SDK1: variants seen among roughly 807,000 people sequenced by gnomAD.
The protein encoded by SDK1 is sidekick cell adhesion molecule 1.
Under a neutral mutation model 245.5 loss-of-function variants are expected in SDK1, and 157 were observed. The observed-to-expected ratio is 0.64, with a 90% CI of 0.56 to 0.73. The LOEUF (loss-of-function observed/expected upper bound fraction) is 0.73. SDK1 is among the 30% of genes least tolerant of loss of function. The pLI, the probability that SDK1 is intolerant of heterozygous loss-of-function variation, is 0.00. For synonymous variants in SDK1, 1,647 were observed against 1,278.5 expected, an observed-to-expected ratio of 1.29 and a Z score of -6.15; for missense variants, 3,583 against 3,002.3, an observed-to-expected ratio of 1.19 and a Z score of -4.52.
At chr7:3,567,351 C>T (rs1462749939) in intron 1 of SDK1, among the ~76,000 whole-genome samples, 1 of 152,254 alleles carries the variant, frequency 6.6e-6, no homozygotes, top group African/African-American at 2.4e-5. Flanking sequence ...GAGTAAATGC[C>T]TAGTCAGTAG....
chr7:3,622,616 A>G (rs1016909231), intron 2 of SDK1, among the ~76,000 whole-genome samples: 6 of 152,236 alleles, frequency 3.9e-5, no homozygotes, highest in African/African-American at 1.2e-4. Context: ...AAGAGGTGGA[A>G]CACTCTTTGT....
chr7:3,648,804 G>C (rs1782924171), intron 4 of SDK1, among the ~76,000 whole-genome samples: 1 of 152,196 alleles, frequency 6.6e-6, no homozygotes, highest in Admixed American at 6.5e-5. Flanking sequence ...AAGTAAAACA[G>C]ACGAGTAGAT....
Position 3,603,158 on chromosome 7 carries a change from G to C in SDK1, c.299-15922G>C, listed in dbSNP as rs76566332. Among the ~76,000 whole-genome samples, 510 of 137,390 alleles carry C rather than the reference G, an allele frequency of 3.7e-3. 8 individuals carry two copies. The highest frequency in any genetic ancestry group is 5.8e-3 in the Non-Finnish European group (366 of 63,112). 90.1% of individuals were successfully genotyped at this position (137,390 alleles called of 152,430 possible). ...TCTTTTGGCTTAGGATTGACTTGGC[G>C]ATGCGGGCTCTTTTTTGGTTCCAGA... On this transcript the variant is annotated intron_variant, in intron 1 of 44. Coordinates refer to ENST00000404826, the MANE Select transcript of SDK1 (RefSeq NM_152744.4).
chr7:3,767,947 A>G (rs1356835213), intron 4 of SDK1, among the ~76,000 whole-genome samples: 2 of 152,222 alleles, frequency 1.3e-5, no homozygotes, highest in African/African-American at 4.8e-5. Flanking sequence ...TAAGCCATTT[A>G]CTTTACCATC....
chr7:3,375,034 C>T (rs1340041807), intron 1 of SDK1, among the ~76,000 whole-genome samples: 2 of 152,136 alleles, frequency 1.3e-5, no homozygotes, highest in Non-Finnish European at 2.9e-5. Context: ...AATTAATGTG[C>T]AGTGATTTTA....
chr7:3,612,171 C>G (rs1157913259), intron 1 of SDK1, among the ~76,000 whole-genome samples: 1 of 152,134 alleles, frequency 6.6e-6, no homozygotes, highest in Non-Finnish European at 1.5e-5. Context: ...GTACCAAAAT[C>G]TCACAAATCA....
Position 3,692,186 on chromosome 7 carries a change from G to A in SDK1, c.713+50081G>A, listed in dbSNP as rs533427022. Among the ~76,000 whole-genome samples the A allele has an allele frequency of 2.0e-5, 3 of 152,096 alleles. No individual in the cohort carries two copies. In the East Asian group the frequency reaches 5.8e-4, roughly 29 times the overall value. On this transcript the variant is annotated intron_variant, in intron 4 of 44. Coordinates refer to ENST00000404826, the MANE Select transcript of SDK1 (RefSeq NM_152744.4). ...GTTCAGAGACCCAACATAATTTCAA[G>A]TTTCCATTTTTTCTTAAAAAATTCT...
intron 1 of SDK1, among the ~76,000 whole-genome samples, chr7:3,306,358 G>T (rs1779417426): frequency 6.6e-6 from 1 of 152,086 alleles, no homozygotes; most frequent in African/African-American, 2.4e-5. Context: ...ATGAATTCCA[G>T]CTTCATGATG....
chr7:3,311,993 C>T lies in SDK1; in HGVS notation c.298+10109C>T, dbSNP rs1299864409. ...GGAAGGTGGAGTAAAGGTTCTCTAG[C>T]ATCAAACCTTGAAGGGCTTTTCCAT... On this transcript the variant is annotated intron_variant, in intron 1 of 44. Transcript: ENST00000404826. 3.9e-5 allele frequency among the ~76,000 whole-genome samples: 6 copies of T among 152,088 alleles called. No individual in the cohort carries two copies. The South Asian group carries it at 1.0e-3, about 26-fold the overall frequency.
intron 1 of SDK1, among the ~76,000 whole-genome samples, chr7:3,540,888 T>G (rs998614408): frequency 1.3e-5 from 2 of 152,204 alleles, no homozygotes; most frequent in Admixed American, 6.5e-5. Context: ...ATCACTATTT[T>G]TATATCTTCA....
At position 4,050,133 on chromosome 7, in the gene SDK1, C is replaced by CT. The variant is rs1336915401; in HGVS notation, c.2718+673dup. On this transcript the variant is annotated intron_variant, in intron 18 of 44. Coordinates refer to ENST00000404826, the MANE Select transcript of SDK1 (RefSeq NM_152744.4). ...TAGCTACAATAGGTCCACTAATCGT[C>CT]TTTAATAGACGATGGACAGGGGAAG... is the stretch of plus-strand genomic sequence containing the variant. Among the ~76,000 whole-genome samples the CT allele has an allele frequency of 6.6e-5, 10 of 152,308 alleles. No individual in the cohort carries two copies. The East Asian group carries it at 1.9e-3, about 29-fold the overall frequency.
At position 4,015,227 on chromosome 7, in the gene SDK1, C is replaced by G. The variant is rs552720018; in HGVS notation, c.2421-1944C>G. ...AAGTTTGGAATTTTCCCAACACCACCCAGCTTCTGAGTGGCCGTTGAGCAA... is the reference window on the plus strand; with the variant it reads ...AAGTTTGGAATTTTCCCAACACCACGCAGCTTCTGAGTGGCCGTTGAGCAA... On this transcript the variant is annotated intron_variant, in intron 16 of 44. Coordinates refer to ENST00000404826, the MANE Select transcript of SDK1 (RefSeq NM_152744.4). Among the ~76,000 whole-genome samples the G allele has an allele frequency of 2.6e-5, 4 of 152,290 alleles. No individual in the cohort carries two copies. In the South Asian group the frequency reaches 6.2e-4, roughly 24 times the overall value.
Position 4,233,391 on chromosome 7 carries a change from G to A in SDK1, c.5964G>A (p.Glu1988=). ...CTGTGAATGAGGCGGGCTACGGGGA[G>A]CCCAGCAACCCCTCCACGGCTGTGT... is the stretch of plus-strand genomic sequence containing the variant. ...VVAVNEAGYG[E]PSNPSTAVSA... Residue 1988 remains glutamate, a synonymous_variant, in exon 41 of 45, where the codon GAG becomes GAA. Coordinates refer to ENST00000404826, the MANE Select transcript of SDK1 (RefSeq NM_152744.4). 1.2e-6 allele frequency: 2 copies of A among 1,613,244 alleles called. No homozygotes were observed. Among genetic ancestry groups the A allele is most frequent in the Non-Finnish European group, 1.7e-6 (2 of 1,180,032 alleles).
At chr7:3,489,046 T>G (rs1251715598) in intron 1 of SDK1, among the ~76,000 whole-genome samples, 1 of 151,884 alleles carries the variant, frequency 6.6e-6, no homozygotes, top group Non-Finnish European at 1.5e-5. Context: ...GGTAGTAGAG[T>G]GCAATGTTGA....
chr7:3,665,233 G>A (rs974040308), intron 4 of SDK1, among the ~76,000 whole-genome samples: 1 of 152,286 alleles, frequency 6.6e-6, no homozygotes, highest in South Asian at 2.1e-4. Context: ...ACGCAGAGCA[G>A]TCCACTATCA....
intron 4 of SDK1, among the ~76,000 whole-genome samples, chr7:3,673,188 C>G (rs1406716137): frequency 6.6e-6 from 1 of 152,126 alleles, no homozygotes; most frequent in African/African-American, 2.4e-5. Context: ...ATCTGCAATA[C>G]TCTCATCCTA....
intron 1 of SDK1, among the ~76,000 whole-genome samples, chr7:3,319,949 G>A (rs1040589136): frequency 1.4e-5 from 2 of 145,368 alleles, no homozygotes; most frequent in Non-Finnish European, 1.5e-5. Flanking sequence ...CTTGATCATG[G>A]ACCAGGGCTT....
chr7:3,462,432 C>G (rs1780862511), intron 1 of SDK1, among the ~76,000 whole-genome samples: 1 of 152,160 alleles, frequency 6.6e-6, no homozygotes, highest in Non-Finnish European at 1.5e-5. Context: ...GTTCCATTCT[C>G]AACCTACAAT....
intron 1 of SDK1, among the ~76,000 whole-genome samples, chr7:3,417,130 C>T (rs553514810): frequency 8.5e-5 from 13 of 152,218 alleles, no homozygotes; most frequent in African/African-American, 2.2e-4. Context: ...GCCGAGACTG[C>T]GCCACTGCAC....
Sources: gnomAD v4.1 joint callset for allele counts (sites outside exome capture counted in the v4.1 genomes callset) on GRCh38, gnomAD v4.1.1 for gene constraint, MANE v1.5 for transcripts, NCBI Gene and HGNC (gene_info 2026-07-23, HGNC 2026-07-21) for gene names.